CFAP299: variants seen among roughly 807,000 people sequenced by gnomAD.
CFAP299 encodes the protein cilia and flagella associated protein 299, also known as cilia- and flagella-associated protein 299.
In CFAP299, 21 loss-of-function variants were observed where a neutral mutation model predicts 27.0. The observed-to-expected ratio is 0.78, with a 90% CI of 0.55 to 1.12. CFAP299 has a LOEUF of 1.12. CFAP299 is among the 50% of genes most tolerant of loss of function. The pLI is 0.00. For synonymous variants in CFAP299, 104 were observed against 98.1 expected (o/e 1.06, Z -0.36); for missense variants, 310 against 276.6 (o/e 1.12, Z -0.86).
At chr4:80,547,637 T>C (rs2110205781) in intron 2 of CFAP299, among the ~76,000 whole-genome samples, 1 of 151,980 alleles carries the variant, frequency 6.6e-6, no homozygotes, top group East Asian at 1.9e-4. Context: ...CCAACAAAGG[T>C]CTAGTAGCCA....
intron 3 of CFAP299, among the ~76,000 whole-genome samples, chr4:80,584,661 T>C (rs1191818611): frequency 6.6e-6 from 1 of 152,086 alleles, no homozygotes; most frequent in Non-Finnish European, 1.5e-5. Flanking sequence ...CCAGTTGACC[T>C]GTATCTCTTC....
intron 3 of CFAP299, among the ~76,000 whole-genome samples, chr4:80,688,474 C>A (rs147070683): frequency 6.6e-6 from 1 of 152,070 alleles, no homozygotes; most frequent in Non-Finnish European, 1.5e-5. Context: ...CAGACCTGCA[C>A]CTGAGGGTCC....
chr4:80,925,893 A>G (rs1366032093), intron 4 of CFAP299, among the ~76,000 whole-genome samples: 2 of 152,056 alleles, frequency 1.3e-5, no homozygotes, highest in African/African-American at 4.8e-5. Context: ...TGTTGTTCCT[A>G]CCCTTATGGG....
At chr4:80,928,303 T>C (rs1736404067) in intron 4 of CFAP299, among the ~76,000 whole-genome samples, 1 of 152,040 alleles carries the variant, frequency 6.6e-6, no homozygotes, top group Admixed American at 6.6e-5. Context: ...ACAACAAACC[T>C]ATACTCCTGA....
intron 3 of CFAP299, among the ~76,000 whole-genome samples, chr4:80,786,650 A>T (rs1395857734): frequency 6.6e-6 from 1 of 152,146 alleles, no homozygotes; most frequent in Non-Finnish European, 1.5e-5. Flanking sequence ...TTGCAAATAT[A>T]TGATACATTT....
chr4:80,821,682 C>T (rs1283189505), intron 3 of CFAP299, among the ~76,000 whole-genome samples: 1 of 152,148 alleles, frequency 6.6e-6, no homozygotes, highest in African/African-American at 2.4e-5. Context: ...TCCTGCTGTA[C>T]AGGCTTTATT....
chr4:80,821,262 G>A (rs1048591908), intron 3 of CFAP299, among the ~76,000 whole-genome samples: 2 of 152,102 alleles, frequency 1.3e-5, no homozygotes, highest in Non-Finnish European at 2.9e-5. Context: ...GAACAATCTT[G>A]ATAAGAAAGC....
chr4:80,326,978 TGG>T, the CFAP299 span, among the ~76,000 whole-genome samples: 2 of 152,186 alleles, frequency 1.3e-5, no homozygotes, highest in East Asian at 1.9e-4. Flanking sequence ...AAGTGGAACC[TGG>T]TAGGTTCCAG....
intron 1 of CFAP299, among the ~76,000 whole-genome samples, chr4:80,350,083 T>C (rs115693261): frequency 0.011 from 1,610 of 151,934 alleles, 19 homozygotes; most frequent in Non-Finnish European, 0.015. Context: ...ACAAAAGACA[T>C]AAACAAAAAT....
intron 1 of CFAP299, among the ~76,000 whole-genome samples, chr4:80,344,682 A>G (rs895824261): frequency 1.3e-5 from 2 of 152,228 alleles, no homozygotes; most frequent in African/African-American, 2.4e-5. Flanking sequence ...TGGCAGATAT[A>G]CAACAAAAAA....
chr4:80,635,369 A>G (rs890807556), intron 3 of CFAP299, among the ~76,000 whole-genome samples: 1 of 152,084 alleles, frequency 6.6e-6, no homozygotes, highest in African/African-American at 2.4e-5. Context: ...TCCTATCACA[A>G]ATTAGATTTA....
intron 3 of CFAP299, among the ~76,000 whole-genome samples, chr4:80,715,222 A>G (rs1231023283): frequency 2.0e-5 from 3 of 152,094 alleles, no homozygotes; most frequent in Non-Finnish European, 4.4e-5. Flanking sequence ...TCACTATATA[A>G]ACACAATGAT....
intron 3 of CFAP299, among the ~76,000 whole-genome samples, chr4:80,585,061 G>C (rs1470805937): frequency 6.6e-6 from 1 of 152,024 alleles, no homozygotes; most frequent in Non-Finnish European, 1.5e-5. Flanking sequence ...CTTTAGTATA[G>C]GGAATAAATT....
At chr4:80,930,324 A>G (rs748872595) in intron 4 of CFAP299, among the ~76,000 whole-genome samples, 18 of 152,188 alleles carry the variant, frequency 1.2e-4, no homozygotes, top group Non-Finnish European at 2.2e-4. Context: ...CTTATAATAA[A>G]CCAGTGAATG....
intron 2 of CFAP299, among the ~76,000 whole-genome samples, chr4:80,536,558 TC>T (rs1402856205): frequency 6.6e-6 from 1 of 151,808 alleles, no homozygotes; most frequent in Non-Finnish European, 1.5e-5. Context: ...CAGAAATAAA[TC>T]CCCACATTTA....
intron 3 of CFAP299, among the ~76,000 whole-genome samples, chr4:80,630,730 T>C (rs1739165409): frequency 6.6e-6 from 1 of 152,046 alleles, no homozygotes; most frequent in African/African-American, 2.4e-5. Context: ...TCGAGTAATA[T>C]ATTGACAATA....
chr4:80,888,469 T>G (rs77951854), intron 4 of CFAP299, among the ~76,000 whole-genome samples: 65 of 152,114 alleles, frequency 4.3e-4, no homozygotes, highest in African/African-American at 1.5e-3. Context: ...TCACCAGATA[T>G]ATAAAGCAAA....
At chr4:80,583,276 T>C in intron 3 of CFAP299, 93 bp downstream of exon 3, 3 of 614,650 alleles carry the variant, frequency 4.9e-6, no homozygotes, top group Non-Finnish European at 7.9e-6. Flanking sequence ...CTTAAAGTAA[T>C]TTACAAGATA....
At chr4:80,558,354 G>GTTTTTTTTT (rs1159652533) in intron 2 of CFAP299, among the ~76,000 whole-genome samples, 34 of 126,436 alleles carry the variant, frequency 2.7e-4, no homozygotes, top group African/African-American at 7.3e-4. Flanking sequence ...TTGTTTGTTT[G>GTTTTTTTTT]TTTGTTTGTT....
Sources: gnomAD v4.1 joint callset for allele counts (sites outside exome capture counted in the v4.1 genomes callset) on GRCh38, gnomAD v4.1.1 for gene constraint, MANE v1.5 for transcripts, NCBI Gene and HGNC (gene_info 2026-07-23, HGNC 2026-07-21) for gene names.